FER: variants seen among roughly 807,000 people sequenced by gnomAD.
The protein encoded by FER is FER tyrosine kinase.
FER carries 63 observed loss-of-function variants against 111.0 expected under a neutral mutation model. That is an observed-to-expected ratio of 0.57 (90% CI 0.46 to 0.70). FER has a LOEUF of 0.70. Among genes scored for constraint, FER ranks in the 30% least tolerant of loss-of-function variants. FER has a pLI of 0.00. For synonymous variants in FER, 327 were observed against 313.9 expected, an observed-to-expected ratio of 1.04 and a Z score of -0.44; for missense variants, 914 against 954.0, an observed-to-expected ratio of 0.96 and a Z score of 0.55.
chr5:109,073,566 G>A (rs993128681), intron 16 of FER, among the ~76,000 whole-genome samples: 2 of 152,110 alleles, frequency 1.3e-5, no homozygotes, highest in Non-Finnish European at 2.9e-5. Flanking sequence ...ATCTAATGGG[G>A]AAAACTATGT....
rs368205822 is a variant in FER at position 108,959,188 on chromosome 5, T to G, written c.1534-37T>G. On this transcript the variant is annotated intron_variant, in intron 12 of 19. Coordinates refer to ENST00000281092, the MANE Select transcript of FER (RefSeq NM_005246.4). ...TGAATGTAGATTTTCTAAAGCAATGTCTTCACATTTATTCTACCTTATTGT... is the reference window on the plus strand; with the variant it reads ...TGAATGTAGATTTTCTAAAGCAATGGCTTCACATTTATTCTACCTTATTGT... 1.9e-6 allele frequency: 3 copies of G among 1,585,240 alleles called. No individual in the cohort carries two copies. In the African/African-American group the frequency reaches 4.1e-5, roughly 22 times the overall value.
chr5:108,779,044 C>A (rs1483823378), intron 2 of FER, among the ~76,000 whole-genome samples: 3 of 148,974 alleles, frequency 2.0e-5, no homozygotes, highest in Non-Finnish European at 4.4e-5. Context: ...TCCAATTGTT[C>A]TAGCACCATA....
intron 3 of FER, among the ~76,000 whole-genome samples, chr5:108,799,829 T>C (rs1262849263): frequency 1.3e-5 from 2 of 150,480 alleles, no homozygotes; most frequent in African/African-American, 4.9e-5. Context: ...TTTATCCCTC[T>C]TGTTTTCTTT....
intron 12 of FER, among the ~76,000 whole-genome samples, chr5:108,957,924 T>C (rs1758645419): frequency 6.6e-6 from 1 of 151,588 alleles, no homozygotes; most frequent in African/African-American, 2.4e-5. Context: ...TTATTAGAAA[T>C]AGGTTAGTAC....
intron 16 of FER, among the ~76,000 whole-genome samples, chr5:109,053,272 A>G (rs1310556555): frequency 6.6e-6 from 1 of 151,498 alleles, no homozygotes; most frequent in Non-Finnish European, 1.5e-5. Flanking sequence ...AATCTCAGCT[A>G]CTTGGGAGGC....
chr5:108,882,102 A>G (rs1413623698), intron 8 of FER, among the ~76,000 whole-genome samples: 8 of 152,090 alleles, frequency 5.3e-5, no homozygotes, highest in Non-Finnish European at 1.2e-4. Flanking sequence ...TTTTTGCTTT[A>G]TAATCAATAT....
At chr5:108,855,575 C>T (rs1308667153) in intron 5 of FER, among the ~76,000 whole-genome samples, 1 of 147,016 alleles carries the variant, frequency 6.8e-6, no homozygotes, top group Non-Finnish European at 1.5e-5. Flanking sequence ...GAGCCAAGAT[C>T]GCGCCACTGC....
At chr5:108,784,217 A>G (rs1754413554) in intron 2 of FER, 1 of 153,204 alleles carries the variant, frequency 6.5e-6, no homozygotes, top group Non-Finnish European at 1.5e-5. Context: ...CAAGAGCATC[A>G]TTACGTAGAA....
Position 109,174,740 on chromosome 5 carries a change from A to G in FER, c.2049-6007A>G, listed in dbSNP as rs1481813007. The stretch of plus-strand genomic sequence containing the variant: ...AGTGTCACTTCCTTTCCTAAAGGTC[A>G]TCCATTTTGGCTCTTATTTAAAGTT... On this transcript the variant is annotated intron_variant, in intron 17 of 19. Transcript: ENST00000281092. 2.0e-5 allele frequency among the ~76,000 whole-genome samples: 3 copies of G among 152,322 alleles called. No homozygotes were observed. In the East Asian group the frequency reaches 5.8e-4, roughly 29 times the overall value.
chr5:108,903,966 T>C (rs1483196240), intron 10 of FER, among the ~76,000 whole-genome samples: 4 of 152,212 alleles, frequency 2.6e-5, no homozygotes, highest in Admixed American at 1.3e-4. Flanking sequence ...TGCTGTTCTT[T>C]TTACACAAGT....
At chr5:109,118,484 C>T (rs1282876265) in intron 17 of FER, among the ~76,000 whole-genome samples, 2 of 152,108 alleles carry the variant, frequency 1.3e-5, no homozygotes, top group Non-Finnish European at 2.9e-5. Context: ...TGTTGTGTCT[C>T]TGCCAGGCTT....
intron 16 of FER, among the ~76,000 whole-genome samples, chr5:109,085,949 A>T (rs540250855): frequency 6.6e-6 from 1 of 151,948 alleles, no homozygotes; most frequent in Non-Finnish European, 1.5e-5. Flanking sequence ...TATTAATGAT[A>T]TATATTGTGC....
At chr5:109,067,227 T>TTTGTTGTTGTTGTTGTTGTTG (rs111663056) in intron 16 of FER, among the ~76,000 whole-genome samples, 4 of 150,008 alleles carry the variant, frequency 2.7e-5, no homozygotes, top group African/African-American at 7.4e-5. Context: ...GAGTGACTGG[T>TTTGTTGTTGTTGTTGTTGTTG]TTGTTGTTGT....
intron 10 of FER, among the ~76,000 whole-genome samples, chr5:108,903,481 A>G (rs893260440): frequency 2.6e-5 from 4 of 152,194 alleles, no homozygotes; most frequent in African/African-American, 9.7e-5. Flanking sequence ...CCTGACCAAC[A>G]TGGCAAAACC....
chr5:109,146,227 C>A (rs60693142), intron 17 of FER, among the ~76,000 whole-genome samples: 6 of 94,288 alleles, frequency 6.4e-5, no homozygotes, highest in Admixed American at 1.1e-4. Context: ...TATATATTAT[C>A]TATCTAATAT....
intron 1 of FER, among the ~76,000 whole-genome samples, chr5:108,757,476 G>A (rs923697144): frequency 6.6e-6 from 1 of 152,124 alleles, no homozygotes; most frequent in Non-Finnish European, 1.5e-5. Context: ...AGACATTTTT[G>A]AATAAATTTA....
At chr5:109,087,244 T>C (rs1454099703) in intron 16 of FER, among the ~76,000 whole-genome samples, 1 of 151,854 alleles carries the variant, frequency 6.6e-6, no homozygotes, top group Non-Finnish European at 1.5e-5. Context: ...TCATATGTTC[T>C]GTATGACTTT....
At chr5:108,817,280 A>G (rs1175875389) in intron 3 of FER, among the ~76,000 whole-genome samples, 1 of 151,948 alleles carries the variant, frequency 6.6e-6, no homozygotes, top group Non-Finnish European at 1.5e-5. Context: ...ATCTTTGAAA[A>G]CTTCAGCTTT....
At chr5:108,981,557 A>G (rs931383128) in intron 13 of FER, among the ~76,000 whole-genome samples, 4 of 152,126 alleles carry the variant, frequency 2.6e-5, no homozygotes, top group Admixed American at 6.6e-5. Context: ...ACAGCTGTGC[A>G]TAGTCCTGAG....
Sources: gnomAD v4.1 joint callset for allele counts (sites outside exome capture counted in the v4.1 genomes callset) on GRCh38, gnomAD v4.1.1 for gene constraint, MANE v1.5 for transcripts, NCBI Gene and HGNC (gene_info 2026-07-23, HGNC 2026-07-21) for gene names.